Variants in ULK4 observed in about 807,000 individuals in gnomAD.
ULK4 encodes the protein unc-51 like kinase 4, also known as inactive serine/threonine-protein kinase ULK4.
A neutral mutation model predicts 160.6 loss-of-function variants in ULK4; 133 were observed. The observed-to-expected ratio is 0.83, with a 90% CI of 0.72 to 0.96. ULK4 has a LOEUF of 0.96. Ranked by LOEUF, ULK4 falls within the 40% of genes least tolerant of loss-of-function variation. ULK4 has a pLI of 0.00. For synonymous variants in ULK4, 534 were observed against 539.8 expected (o/e 0.99, Z 0.15); for missense variants, 1,580 against 1,499.5 (o/e 1.05, Z -0.89).
chr3:41,834,662 A>T (rs916887090), intron 18 of ULK4, among the ~76,000 whole-genome samples: 3 of 152,238 alleles, frequency 2.0e-5, no homozygotes, highest in Admixed American at 1.3e-4. Flanking sequence ...CCTTAAAATG[A>T]TGATTGTTCA....
chr3:41,286,103 T>C (rs181566939), intron 35 of ULK4, among the ~76,000 whole-genome samples: 4 of 152,274 alleles, frequency 2.6e-5, no homozygotes, highest in East Asian at 3.9e-4. Context: ...GGGACCTCAT[T>C]TTGATGCACA....
intron 22 of ULK4, among the ~76,000 whole-genome samples, chr3:41,748,658 C>T (rs988814522): frequency 6.6e-6 from 1 of 152,176 alleles, no homozygotes; most frequent in Non-Finnish European, 1.5e-5. Context: ...TGCCCCTGCA[C>T]CTTCCTTATT....
chr3:41,836,032 T>C, intron 17 of ULK4, 61 bp from the exon 18 acceptor site: 1 of 1,189,862 alleles, frequency 8.4e-7, no homozygotes, highest in Non-Finnish European at 1.2e-6. Flanking sequence ...TTCTTAAACC[T>C]ATATGTAAAA....
intron 17 of ULK4, among the ~76,000 whole-genome samples, chr3:41,872,958 G>T (rs1357328860): frequency 1.3e-5 from 2 of 152,078 alleles, no homozygotes; most frequent in Non-Finnish European, 2.9e-5. Flanking sequence ...TTCAAGACCA[G>T]CCTGGCCAAG....
intron 27 of ULK4, among the ~76,000 whole-genome samples, chr3:41,692,015 G>T (rs775312193): frequency 1.5e-5 from 2 of 137,844 alleles, no homozygotes; most frequent in African/African-American, 5.6e-5. Context: ...GCAGTAGTGC[G>T]ATCTCAGCTC....
At chr3:41,627,277 T>C (rs910781283) in intron 30 of ULK4, among the ~76,000 whole-genome samples, 13 of 152,040 alleles carry the variant, frequency 8.6e-5, no homozygotes, top group African/African-American at 3.1e-4. Context: ...TGAGCTCAGT[T>C]TTGCAGGACA....
intron 31 of ULK4, among the ~76,000 whole-genome samples, chr3:41,571,482 G>C (rs2087971847): frequency 6.6e-6 from 1 of 152,178 alleles, no homozygotes; most frequent in Non-Finnish European, 1.5e-5. Context: ...GCTTACGGGG[G>C]TAAACTGTGC....
At chr3:41,838,489 C>T (rs926544001) in intron 17 of ULK4, among the ~76,000 whole-genome samples, 1 of 151,414 alleles carries the variant, frequency 6.6e-6, no homozygotes, top group Non-Finnish European at 1.5e-5. Context: ...AGAATCCATA[C>T]AAAGAGATAT....
chr3:41,821,801 A>C (rs1201818862), intron 18 of ULK4, among the ~76,000 whole-genome samples: 4 of 152,120 alleles, frequency 2.6e-5, no homozygotes, highest in African/African-American at 9.7e-5. Flanking sequence ...GCCCACTCCA[A>C]TATGACGACT....
At chr3:41,290,344 G>C (rs1432564386) in intron 35 of ULK4, among the ~76,000 whole-genome samples, 1 of 152,210 alleles carries the variant, frequency 6.6e-6, no homozygotes, top group Non-Finnish European at 1.5e-5. Context: ...AGTAGATGCA[G>C]AAAGTATTAT....
At chr3:41,436,706 G>A (rs895159649) in intron 34 of ULK4, among the ~76,000 whole-genome samples, 3 of 152,104 alleles carry the variant, frequency 2.0e-5, no homozygotes, top group Non-Finnish European at 2.9e-5. Flanking sequence ...AAGTGGGACC[G>A]AGCAACCACG....
chr3:41,447,953 T>C (rs1198823088), intron 34 of ULK4, among the ~76,000 whole-genome samples: 1 of 152,112 alleles, frequency 6.6e-6, no homozygotes, highest in Non-Finnish European at 1.5e-5. Context: ...CACCTCCTAC[T>C]AGAGGCCAGG....
chr3:41,772,601 C>T (rs557147420), intron 21 of ULK4, among the ~76,000 whole-genome samples: 7 of 152,258 alleles, frequency 4.6e-5, no homozygotes, highest in African/African-American at 2.4e-5. Context: ...CAAAAAAAGT[C>T]CAGGACCAGA....
intron 35 of ULK4, among the ~76,000 whole-genome samples, chr3:41,272,345 T>G (rs948649510): frequency 3.7e-5 from 1 of 27,334 alleles, no homozygotes; most frequent in South Asian, 9.7e-4. Context: ...TTTTGAAAGT[T>G]TTTTTTTTTT....
chr3:41,888,498 A>T (rs1697807413), intron 16 of ULK4, among the ~76,000 whole-genome samples: 1 of 152,214 alleles, frequency 6.6e-6, no homozygotes, highest in Non-Finnish European at 1.5e-5. Flanking sequence ...GACTTGGAAC[A>T]AACTAAGACA....
At chr3:41,571,938 A>C (rs902204326) in intron 31 of ULK4, among the ~76,000 whole-genome samples, 6 of 152,176 alleles carry the variant, frequency 3.9e-5, no homozygotes, top group Non-Finnish European at 7.4e-5. Context: ...CCCAGTTATA[A>C]GCAGAGCTGC....
At chr3:41,643,142 G>A (rs2034311353) in intron 30 of ULK4, among the ~76,000 whole-genome samples, 1 of 152,072 alleles carries the variant, frequency 6.6e-6, no homozygotes, top group Non-Finnish European at 1.5e-5. Context: ...TTTGTAGGTT[G>A]CCTGTTCACT....
At chr3:41,916,698 C>A (rs1372173142) in intron 7 of ULK4, among the ~76,000 whole-genome samples, 2 of 143,680 alleles carry the variant, frequency 1.4e-5, no homozygotes, top group African/African-American at 5.0e-5. Context: ...ATGCTCAGCT[C>A]CAACTATTTT....
chr3:41,835,815 G>T, intron 18 of ULK4, 49 bp downstream of exon 18: 1 of 1,373,010 alleles, frequency 7.3e-7, no homozygotes, highest in Non-Finnish European at 1.0e-6. Flanking sequence ...GTCAGCCAGA[G>T]TATGTCAGAA....
Sources: gnomAD v4.1 joint callset for allele counts (sites outside exome capture counted in the v4.1 genomes callset) on GRCh38, gnomAD v4.1.1 for gene constraint, MANE v1.5 for transcripts, NCBI Gene and HGNC (gene_info 2026-07-23, HGNC 2026-07-21) for gene names.